The following PTPRM variants were observed in gnomAD, a reference collection of about 807,000 sequenced individuals.
PTPRM encodes the protein receptor-type tyrosine-protein phosphatase mu.
Under a neutral mutation model 186.7 loss-of-function variants are expected in PTPRM, and 47 were observed. The ratio of observed to expected loss-of-function variants is 0.25; its 90% CI spans 0.20 to 0.32. The LOEUF (loss-of-function observed/expected upper bound fraction) is 0.32, where lower values mean the gene tolerates loss of function less well. PTPRM is among the 10% of genes least tolerant of loss of function. The pLI is 1.00. For synonymous variants in PTPRM, 668 were observed against 674.9 expected (o/e 0.99, Z 0.16); for missense variants, 1,494 against 1,865.0 (o/e 0.80, Z 3.66).
At chr18:7,601,129 G>T (rs1487170174) in intron 1 of PTPRM, among the ~76,000 whole-genome samples, 9 of 152,188 alleles carry the variant, frequency 5.9e-5, no homozygotes, top group Admixed American at 5.9e-4. Flanking sequence ...CCCTACAGGG[G>T]AACAAATGTC....
intron 1 of PTPRM, among the ~76,000 whole-genome samples, chr18:7,687,652 A>G (rs1418163327): frequency 6.6e-6 from 1 of 152,162 alleles, no homozygotes; most frequent in African/African-American, 2.4e-5. Flanking sequence ...ATCAGGTAGA[A>G]TGATGATTTC....
chr18:7,678,675 C>G (rs572947836), intron 1 of PTPRM, among the ~76,000 whole-genome samples: 1 of 152,132 alleles, frequency 6.6e-6, no homozygotes, highest in Non-Finnish European at 1.5e-5. Flanking sequence ...TATGTCATAC[C>G]GTACTTACCA....
chr18:7,678,216 T>G (rs1269291913), intron 1 of PTPRM, among the ~76,000 whole-genome samples: 2 of 151,956 alleles, frequency 1.3e-5, no homozygotes, highest in Non-Finnish European at 2.9e-5. Context: ...CTTGAGAAAG[T>G]GGGTAGTTAG....
At chr18:8,223,551 C>A (rs1481906027) in intron 14 of PTPRM, among the ~76,000 whole-genome samples, 1 of 152,188 alleles carries the variant, frequency 6.6e-6, no homozygotes, top group Non-Finnish European at 1.5e-5. Flanking sequence ...CTCCTTGTGA[C>A]AAAGTGAGTG....
intron 1 of PTPRM, among the ~76,000 whole-genome samples, chr18:7,619,246 A>C (rs2037879319): frequency 6.6e-6 from 1 of 152,174 alleles, no homozygotes; most frequent in Non-Finnish European, 1.5e-5. Context: ...GAGTATCTAA[A>C]AGCTTGATTC....
intron 13 of PTPRM, among the ~76,000 whole-genome samples, chr18:8,141,799 T>G (rs1002580989): frequency 2.0e-5 from 3 of 152,186 alleles, no homozygotes; most frequent in African/African-American, 7.2e-5. Context: ...TTTGGAAGAA[T>G]AAAACCAATT....
At chr18:7,981,428 C>T (rs2082545540) in intron 7 of PTPRM, among the ~76,000 whole-genome samples, 2 of 152,058 alleles carry the variant, frequency 1.3e-5, no homozygotes, top group Non-Finnish European at 2.9e-5. Flanking sequence ...TTAGTAGTGC[C>T]TAATCAACAA....
At chr18:7,861,141 A>G (rs914929229) in intron 2 of PTPRM, among the ~76,000 whole-genome samples, 2 of 152,108 alleles carry the variant, frequency 1.3e-5, no homozygotes, top group African/African-American at 4.8e-5. Context: ...TGCATCCTGT[A>G]TCCTAGGCTC....
intron 14 of PTPRM, among the ~76,000 whole-genome samples, chr18:8,208,273 A>G (rs565176970): frequency 6.6e-6 from 1 of 152,368 alleles, no homozygotes; most frequent in East Asian, 1.9e-4. Flanking sequence ...TACATGCTGA[A>G]TATGTGTCTC....
intron 13 of PTPRM, among the ~76,000 whole-genome samples, chr18:8,138,967 C>T (rs925032240): frequency 2.3e-4 from 35 of 152,188 alleles, no homozygotes; most frequent in African/African-American, 8.4e-4. Flanking sequence ...CTCCTTGACC[C>T]GCCATTGTTT....
At chr18:8,129,616 T>C (rs1274349940) in intron 13 of PTPRM, among the ~76,000 whole-genome samples, 2 of 152,230 alleles carry the variant, frequency 1.3e-5, no homozygotes, top group Non-Finnish European at 2.9e-5. Flanking sequence ...ATTTAGGCTC[T>C]CTTGTACATA....
At chr18:8,198,304 T>C (rs993605076) in intron 14 of PTPRM, among the ~76,000 whole-genome samples, 1 of 152,088 alleles carries the variant, frequency 6.6e-6, no homozygotes, top group African/African-American at 2.4e-5. Context: ...TGTACCACTA[T>C]ACCTGGCTAA....
chr18:7,586,219 C>T (rs1032262702), intron 1 of PTPRM, among the ~76,000 whole-genome samples: 1 of 152,138 alleles, frequency 6.6e-6, no homozygotes, highest in Non-Finnish European at 1.5e-5. Context: ...CTGCATACAT[C>T]GTGGGCTTAA....
At chr18:7,862,703 T>C (rs1260213973) in intron 2 of PTPRM, among the ~76,000 whole-genome samples, 5 of 152,216 alleles carry the variant, frequency 3.3e-5, no homozygotes, top group Admixed American at 2.0e-4. Context: ...TCCTATGATA[T>C]TGAATAGGCT....
intron 13 of PTPRM, among the ~76,000 whole-genome samples, chr18:8,129,004 AC>A (rs1229986141): frequency 6.6e-6 from 1 of 152,128 alleles, no homozygotes; most frequent in Non-Finnish European, 1.5e-5. Context: ...ATTTTAGGAA[AC>A]CTAACTTTTA....
intron 20 of PTPRM, among the ~76,000 whole-genome samples, chr18:8,306,271 G>A (rs2095221021): frequency 6.6e-6 from 1 of 151,978 alleles, no homozygotes; most frequent in Non-Finnish European, 1.5e-5. Flanking sequence ...ATCTTATTTG[G>A]TCCTCCCAGA....
chr18:7,774,648 G>A lies in PTPRM; in HGVS notation c.196+377G>A, dbSNP rs181609087. On this transcript the variant is annotated intron_variant, in intron 2 of 32. Transcript: ENST00000580170. Reference sequence around the variant, plus strand: ...AGTCTCCATAGGAGGCCTTGGTGGGGGACTTTTCTTAGCCTCAGGGGCTCC... The same window carrying A: ...AGTCTCCATAGGAGGCCTTGGTGGGAGACTTTTCTTAGCCTCAGGGGCTCC... 4.5e-3 allele frequency among the ~76,000 whole-genome samples: 684 copies of A among 152,260 alleles called. 4 individuals are homozygous for A. Among genetic ancestry groups the A allele is most frequent in the African/African-American group, 0.015 (618 of 41,550 alleles).
chr18:8,357,912 A>C (rs1201953879), intron 23 of PTPRM, among the ~76,000 whole-genome samples: 2 of 152,228 alleles, frequency 1.3e-5, no homozygotes, highest in East Asian at 1.9e-4. Context: ...AGCAAGGAGA[A>C]AACCATATAA....
chr18:8,316,751 C>T (rs989381786), intron 21 of PTPRM, among the ~76,000 whole-genome samples: 5 of 152,028 alleles, frequency 3.3e-5, no homozygotes, highest in Admixed American at 2.0e-4. Context: ...AAACTAAAGC[C>T]GTAAAGGGGG....
Sources: allele counts gnomAD v4.1 joint callset (sites outside exome capture counted in the v4.1 genomes callset), GRCh38; gene constraint gnomAD v4.1.1; transcripts MANE v1.5; gene names NCBI Gene and HGNC (gene_info 2026-07-23, HGNC 2026-07-21).